TRMO: variants seen among roughly 807,000 people sequenced by gnomAD.
TRMO encodes the protein tRNA (adenine(37)-N6)-methyltransferase.
A neutral mutation model predicts 37.2 loss-of-function variants in TRMO; 30 were observed. The ratio of observed to expected loss-of-function variants is 0.81; its 90% CI spans 0.60 to 1.09. TRMO has a LOEUF of 1.09. TRMO is among the 50% of genes least tolerant of loss of function. The probability of loss-of-function intolerance (pLI) is 0.00; values close to 1 mark genes in which losing one functional copy is unlikely to be tolerated. For missense variants in TRMO, 552 were observed against 549.5 expected, an observed-to-expected ratio of 1.00 and a Z score of -0.05; for synonymous variants, 239 against 199.4, an observed-to-expected ratio of 1.20 and a Z score of -1.67.
intron 3 of TRMO, chr9:97,911,901 G>C (rs1826141548): frequency 6.6e-6 from 1 of 152,140 alleles, no homozygotes; most frequent in South Asian, 2.1e-4. Context: ...ACAGGACCCT[G>C]ATTTCTGAAA....
At chr9:97,900,331 AGCCCATGGCAGG>A (rs1167243847), downstream of TRMO, among the ~76,000 whole-genome samples, 2 of 152,234 alleles carry the variant, frequency 1.3e-5, no homozygotes, top group Non-Finnish European at 2.9e-5. Flanking sequence ...GTCACGAGCT[AGCCCATGGCAGG>A]GCAGAAAGCG....
At chr9:97,918,848 C>T (rs1268476763) in intron 1 of TRMO, among the ~76,000 whole-genome samples, 1 of 152,144 alleles carries the variant, frequency 6.6e-6, no homozygotes, top group Non-Finnish European at 1.5e-5. Context: ...CCTTCTTTTC[C>T]CTCTGAGATA....
chr9:97,901,442 G>A (rs1211451298), downstream of TRMO, among the ~76,000 whole-genome samples: 1 of 152,090 alleles, frequency 6.6e-6, no homozygotes, highest in Non-Finnish European at 1.5e-5. Flanking sequence ...GATACAAATA[G>A]GACACAAAAC....
chr9:97,905,659 A>G (rs1179095349), intron 4 of TRMO, among the ~76,000 whole-genome samples: 8 of 152,192 alleles, frequency 5.3e-5, no homozygotes, highest in Admixed American at 5.2e-4. Flanking sequence ...TAACTACAAC[A>G]TCACATACAT....
chr9:97,914,942 A>G (rs1826286680), intron 2 of TRMO, among the ~76,000 whole-genome samples: 1 of 152,288 alleles, frequency 6.6e-6, no homozygotes, highest in East Asian at 1.9e-4. Context: ...CTCTTTATAT[A>G]CTTCTGAACC....
chr9:97,907,733 C>T (rs1393989179), intron 4 of TRMO, among the ~76,000 whole-genome samples: 2 of 152,116 alleles, frequency 1.3e-5, no homozygotes, highest in Non-Finnish European at 1.5e-5. Flanking sequence ...CTTACAATGG[C>T]CTATAAAACC....
downstream of TRMO, among the ~76,000 whole-genome samples, chr9:97,903,239 G>A (rs1298853240): frequency 6.6e-6 from 1 of 152,008 alleles, no homozygotes; most frequent in East Asian, 1.9e-4. Context: ...CTGCACTCCA[G>A]CCTGGGCAAA....
At chr9:97,914,045 C>T (rs1826247517) in intron 2 of TRMO, 1 of 152,680 alleles carries the variant, frequency 6.5e-6, no homozygotes, top group South Asian at 2.1e-4. Flanking sequence ...GATACAAAAC[C>T]AAGAAGCCAA....
intron 4 of TRMO, among the ~76,000 whole-genome samples, chr9:97,908,227 A>C (rs1238471325): frequency 6.6e-6 from 1 of 152,176 alleles, no homozygotes; most frequent in South Asian, 2.1e-4. Context: ...CCTGCCTAAC[A>C]CGGTGAAACT....
intron 4 of TRMO, among the ~76,000 whole-genome samples, chr9:97,906,179 T>C (rs1825846199): frequency 6.6e-6 from 1 of 151,536 alleles, no homozygotes; most frequent in African/African-American, 2.4e-5. Context: ...AAAAAATCAA[T>C]TATATGGCAA....
At chr9:97,912,990 T>A in intron 3 of TRMO, 1 of 1,171,606 alleles carries the variant, frequency 8.5e-7, no homozygotes, top group South Asian at 1.3e-5. Context: ...AAGGAAGGAA[T>A]GATATACCAC....
chr9:97,916,241 G>A lies in TRMO; in HGVS notation c.174C>T (p.Ala58=), dbSNP rs1266032587. The change falls in exon 2 of 5, where the codon GCC becomes GCT. Residue 58 remains alanine, a synonymous_variant. Coordinates refer to ENST00000375119, the MANE Select transcript of TRMO (RefSeq NM_016481.5). ...AGATCCTCTTTCTAATCCTCAAACA[G>A]GCTCGAGAATAGCTACAAATGGATG... ...RQPSICSYSR[A]CLRIRKRIFN... 8 of 1,613,390 alleles carry A rather than the reference G, an allele frequency of 5.0e-6. No individual in the cohort carries two copies. The highest frequency in any genetic ancestry group is 1.3e-5 in the African/African-American group (1 of 74,896).
At position 97,922,486 on chromosome 9, in the gene TRMO, C is replaced by T. The variant is rs370852825; in HGVS notation, c.8G>A (p.Gly3Asp). Reference protein sequence around the residue: MRGLEESGPRPTA... With the variant: MRDLEESGPRPTA... ...AGGCCGAGGCCCCGACTCCTCCAAG[C>T]CGCGCATGGCTACTGGTTGCTGAGG... Residue 3 changes from glycine (G) to aspartate (D), a missense_variant, in exon 1 of 5, where the codon GGC becomes GAC. Transcript: ENST00000375119. 89 of 1,576,030 alleles carry T rather than the reference C, an allele frequency of 5.6e-5. No homozygotes were observed. The highest frequency in any genetic ancestry group is 7.3e-5 in the Non-Finnish European group (85 of 1,162,696).
At chr9:97,919,729 G>T (rs1293012377) in intron 1 of TRMO, among the ~76,000 whole-genome samples, 1 of 152,182 alleles carries the variant, frequency 6.6e-6, no homozygotes, top group African/African-American at 2.4e-5. Context: ...GTTTTTCACA[G>T]ATTACACATA....
At chr9:97,915,348 A>G (rs961466624) in intron 2 of TRMO, among the ~76,000 whole-genome samples, 4 of 152,242 alleles carry the variant, frequency 2.6e-5, no homozygotes, top group African/African-American at 9.6e-5. Context: ...ATATTTTAGG[A>G]CATGCAGGCC....
chr9:97,916,722 T>C (rs1386900693), intron 1 of TRMO, among the ~76,000 whole-genome samples: 2 of 149,880 alleles, frequency 1.3e-5, no homozygotes, highest in Non-Finnish European at 3.0e-5. Flanking sequence ...TTTTTTTTTT[T>C]TGAGATGGAG....
At chr9:97,922,343 C>A in intron 1 of TRMO, 75 bp downstream of exon 1, 1 of 1,005,100 alleles carries the variant, frequency 9.9e-7, no homozygotes, top group Non-Finnish European at 1.5e-6. Context: ...GCGTTTTACA[C>A]CCCTCTCGGC....
chr9:97,908,186 G>GCA (rs1825940787), intron 4 of TRMO, among the ~76,000 whole-genome samples: 1 of 152,160 alleles, frequency 6.6e-6, no homozygotes, highest in Non-Finnish European at 1.5e-5. Context: ...GCCAAGGCGG[G>GCA]GGAATCACAA....
At chr9:97,920,849 T>A (rs1826593386) in intron 1 of TRMO, among the ~76,000 whole-genome samples, 1 of 152,250 alleles carries the variant, frequency 6.6e-6, no homozygotes, top group African/African-American at 2.4e-5. Flanking sequence ...TGTGTTATGC[T>A]AACTCTTTAA....
Sources: gnomAD v4.1 joint callset for allele counts (sites outside exome capture counted in the v4.1 genomes callset) on GRCh38, gnomAD v4.1.1 for gene constraint, MANE v1.5 for transcripts, NCBI Gene and HGNC (gene_info 2026-07-23, HGNC 2026-07-21) for gene names.